FRMPD2: variants seen among roughly 807,000 people sequenced by gnomAD.
FRMPD2 encodes the protein FERM and PDZ domain containing 2.
In FRMPD2, 96 loss-of-function variants were observed where a neutral mutation model predicts 140.1. That is an observed-to-expected ratio of 0.69 (90% confidence interval 0.58 to 0.81). The LOEUF is 0.81. FRMPD2 is among the 40% of genes least tolerant of loss of function. FRMPD2 has a pLI of 0.00. For synonymous variants in FRMPD2, 449 were observed against 547.6 expected, an observed-to-expected ratio of 0.82 and a Z score of 2.52; for missense variants, 1,240 against 1,447.4, an observed-to-expected ratio of 0.86 and a Z score of 2.32.
chr10:48,261,343 A>C (rs1448153129), intron 1 of FRMPD2, among the ~76,000 whole-genome samples: 1 of 152,114 alleles, frequency 6.6e-6, no homozygotes, highest in Non-Finnish European at 1.5e-5. Context: ...CCCTAAACTT[A>C]AAAGTTAAAA....
chr10:48,222,545 A>C, intron 11 of FRMPD2, 94 bp from the exon 12 acceptor site: 1 of 1,347,656 alleles, frequency 7.4e-7, no homozygotes. Flanking sequence ...AAGTTGGAAA[A>C]GTAGGGAAGA....
At chr10:48,266,917 G>A (rs550043529) in intron 1 of FRMPD2, among the ~76,000 whole-genome samples, 2 of 152,292 alleles carry the variant, frequency 1.3e-5, no homozygotes, top group South Asian at 2.1e-4. Flanking sequence ...AGGTGTCCCC[G>A]ACCCTCCTAG....
chr10:48,259,675 CA>C (rs912415077), intron 1 of FRMPD2, among the ~76,000 whole-genome samples: 1 of 151,114 alleles, frequency 6.6e-6, no homozygotes, highest in African/African-American at 2.4e-5. Flanking sequence ...CACACATACA[CA>C]TTTTTTTTTT....
chr10:48,204,507 A>C (rs1839161007), intron 14 of FRMPD2, among the ~76,000 whole-genome samples: 1 of 152,256 alleles, frequency 6.6e-6, no homozygotes, highest in Non-Finnish European at 1.5e-5. Flanking sequence ...TCTCTAGAGA[A>C]AATGATATTA....
In FRMPD2 at chr10:48,228,301, G is replaced by A. The variant is rs374729043; in HGVS notation, c.1168+3814C>T. ...GAGTATAAGTAAGCTTTTCAACAAT[G>A]ATTATGTTTTATAAGATATATCTAC... On this transcript the variant is annotated intron_variant, in intron 10 of 28. Coordinates refer to ENST00000374201, the MANE Select transcript of FRMPD2 (RefSeq NM_001018071.4). Among the ~76,000 whole-genome samples the A allele has an allele frequency of 1.6e-4, 25 of 151,826 alleles. No homozygotes were observed. In the East Asian group the frequency reaches 4.1e-3, roughly 25 times the overall value.
chr10:48,261,397 T>TGA (rs1435041760), intron 1 of FRMPD2, among the ~76,000 whole-genome samples: 2 of 150,820 alleles, frequency 1.3e-5, no homozygotes, highest in East Asian at 1.9e-4. Context: ...CAAAAAAAAG[T>TGA]GAGAGAGAGA....
At chr10:48,260,656 G>T (rs573985883) in intron 1 of FRMPD2, among the ~76,000 whole-genome samples, 1 of 152,258 alleles carries the variant, frequency 6.6e-6, no homozygotes, top group South Asian at 2.1e-4. Flanking sequence ...ACTACTACTA[G>T]CCAGATAATC....
intron 10 of FRMPD2, 111 bp from the exon 11 acceptor site, chr10:48,223,381 G>A: frequency 9.5e-7 from 1 of 1,048,098 alleles, no homozygotes; most frequent in Non-Finnish European, 1.3e-6. Flanking sequence ...CTGGGTGAGT[G>A]CAGGAGTGGG....
chr10:48,210,710 T>C (rs1181476046), intron 13 of FRMPD2, among the ~76,000 whole-genome samples: 1 of 152,232 alleles, frequency 6.6e-6, no homozygotes, highest in African/African-American at 2.4e-5. Flanking sequence ...CCAGTGCTTC[T>C]CAAATGAAAC....
Position 48,232,134 on chromosome 10 carries a change from A to G in FRMPD2, c.1149T>C (p.Phe383=). 6.2e-7 allele frequency: 1 copy of G among 1,614,194 alleles called. No homozygotes were observed. The highest frequency in any genetic ancestry group is 8.5e-7 in the Non-Finnish European group (1 of 1,180,018). Residue 383 remains phenylalanine (F), a synonymous_variant, in exon 10 of 29, where the codon TTT becomes TTC. Transcript: ENST00000374201. ...GCTTACTTTTCATATACGCCAAGCCAAAGTAGGTGAGTTCCTCGAGGTTGG... is the reference window on the plus strand; with the variant it reads ...GCTTACTTTTCATATACGCCAAGCCGAAGTAGGTGAGTTCCTCGAGGTTGG... ...SFANLEELTY[F]GLAYMKSKEF...
intron 10 of FRMPD2, among the ~76,000 whole-genome samples, chr10:48,231,574 C>G (rs1447142770): frequency 6.6e-6 from 1 of 152,194 alleles, no homozygotes; most frequent in Non-Finnish European, 1.5e-5. Context: ...ATCTATAGTT[C>G]ACTATGGCAT....
At chr10:48,244,436 G>A (rs1840197734) in intron 4 of FRMPD2, among the ~76,000 whole-genome samples, 1 of 152,212 alleles carries the variant, frequency 6.6e-6, no homozygotes, top group Admixed American at 6.5e-5. Context: ...ACTTTGGGAA[G>A]GGTTGTTTTA....
intron 1 of FRMPD2, among the ~76,000 whole-genome samples, chr10:48,260,336 G>A (rs1564443043): frequency 6.6e-6 from 1 of 152,220 alleles, no homozygotes; most frequent in East Asian, 1.9e-4. Flanking sequence ...AAGTCTGAAG[G>A]CCTAACAACC....
intron 8 of FRMPD2, 75 bp downstream of exon 8, chr10:48,237,916 A>T: frequency 6.4e-7 from 1 of 1,563,670 alleles, no homozygotes; most frequent in Non-Finnish European, 8.8e-7. Context: ...GCCCATTTTC[A>T]GCCACCGTGC....
chr10:48,191,661 G>A (rs1838832692), intron 16 of FRMPD2, among the ~76,000 whole-genome samples: 1 of 152,156 alleles, frequency 6.6e-6, no homozygotes, highest in Non-Finnish European at 1.5e-5. Flanking sequence ...TCTTGCTGAA[G>A]TAGCTGGAAA....
intron 22 of FRMPD2, chr10:48,177,579 T>C (rs2132416210): frequency 6.2e-6 from 1 of 161,954 alleles, no homozygotes; most frequent in African/African-American, 2.4e-5. Context: ...AGAAACCAAA[T>C]GGAAAGTGTC....
At chr10:48,266,331 A>G (rs1840677397) in intron 1 of FRMPD2, among the ~76,000 whole-genome samples, 1 of 152,216 alleles carries the variant, frequency 6.6e-6, no homozygotes, top group African/African-American at 2.4e-5. Context: ...GAGATTTCCC[A>G]TATAACAAGC....
intron 15 of FRMPD2, among the ~76,000 whole-genome samples, chr10:48,200,193 T>TAAAAAAA (rs879909099): frequency 2.2e-5 from 3 of 139,344 alleles, no homozygotes; most frequent in Non-Finnish European, 3.1e-5. Context: ...AATAAATAAA[T>TAAAAAAA]AAATAAAACA....
At chr10:48,253,691 G>A (rs2698764) in intron 1 of FRMPD2, among the ~76,000 whole-genome samples, 6,813 of 151,992 alleles carry the variant, frequency 0.045, 504 homozygotes, top group African/African-American at 0.15. Flanking sequence ...CCTTCCCTCC[G>A]AGAAATCCTA....
Sources: allele counts gnomAD v4.1 joint callset (sites outside exome capture counted in the v4.1 genomes callset), GRCh38; gene constraint gnomAD v4.1.1; transcripts MANE v1.5; gene names NCBI Gene and HGNC (gene_info 2026-07-23, HGNC 2026-07-21).